Variants in PGBD5 observed in about 807,000 individuals in gnomAD.
PGBD5 encodes piggyBac transposable element derived 5.
PGBD5 carries 14 observed loss-of-function variants against 47.9 expected under a neutral mutation model. That is an observed-to-expected ratio of 0.29 (90% CI 0.19 to 0.46). The LOEUF is 0.46. PGBD5 is among the 20% of genes least tolerant of loss of function. PGBD5 has a pLI of 1.00. For synonymous variants in PGBD5, 316 were observed against 306.3 expected (o/e 1.03, Z -0.33); for missense variants, 635 against 716.0 (o/e 0.89, Z 1.29).
At chr1:230,407,410 A>G (rs1250510307) in intron 1 of PGBD5, among the ~76,000 whole-genome samples, 1 of 152,202 alleles carries the variant, frequency 6.6e-6, no homozygotes, top group Non-Finnish European at 1.5e-5. Flanking sequence ...CCTGGAAACC[A>G]TATTACGGAA....
intron 5 of PGBD5, among the ~76,000 whole-genome samples, chr1:230,332,364 C>T (rs1017908776): frequency 2.6e-4 from 40 of 152,282 alleles, no homozygotes; most frequent in African/African-American, 8.9e-4. Context: ...AAGTAAGTCC[C>T]TTTGTTAAGA....
intron 1 of PGBD5, among the ~76,000 whole-genome samples, chr1:230,410,483 G>A (rs374483586): frequency 2.6e-5 from 4 of 152,104 alleles, no homozygotes; most frequent in African/African-American, 9.6e-5. Flanking sequence ...AAATTTAAAG[G>A]ATACTTCGTT....
At chr1:230,406,931 G>A (rs960973418) in intron 1 of PGBD5, among the ~76,000 whole-genome samples, 16 of 152,174 alleles carry the variant, frequency 1.1e-4, no homozygotes, top group Admixed American at 3.3e-4. Flanking sequence ...CACCGCCCAC[G>A]TTCAAATGCA....
intron 1 of PGBD5, among the ~76,000 whole-genome samples, chr1:230,423,873 GAC>G (rs1657713901): frequency 6.6e-6 from 1 of 152,210 alleles, no homozygotes; most frequent in Admixed American, 6.5e-5. Flanking sequence ...AACGCTAAAT[GAC>G]ACACGATCCT....
intron 2 of PGBD5, among the ~76,000 whole-genome samples, chr1:230,351,780 T>C (rs1667563840): frequency 6.6e-6 from 1 of 152,210 alleles, no homozygotes; most frequent in Non-Finnish European, 1.5e-5. Context: ...ATGACCTTTC[T>C]GACAAGATTC....
chr1:230,334,048 G>A (rs541211307), intron 4 of PGBD5, among the ~76,000 whole-genome samples: 9 of 152,158 alleles, frequency 5.9e-5, no homozygotes, highest in Admixed American at 3.9e-4. Flanking sequence ...CAGTGCCATC[G>A]GTCACCTGAA....
rs1667862071 is a variant in PGBD5 at position 230,367,803 on chromosome 1, T to G, written c.332-10482A>C. 3 of 1,055,872 alleles carry G rather than the reference T, an allele frequency of 2.8e-6. No individual in the cohort carries two copies. The South Asian group carries it at 4.7e-5, about 16-fold the overall frequency. The allele number at this position is 1,055,872 out of a possible 1,614,324, so 65.4% of individuals were successfully genotyped here. A position where few individuals can be genotyped will look rare whatever the true frequency, so the allele number is the denominator to read the frequency against. ...ACACTCCGGCATACTCCGTGGAGGC[T>G]CTTCATCATATCAACCACTACAAAG... is the stretch of plus-strand genomic sequence containing the variant. On this transcript the variant is annotated intron_variant, in intron 1 of 6. Transcript: ENST00000391860.
intron 4 of PGBD5, 41 bp from the exon 5 acceptor site, chr1:230,333,082 C>T (rs781536334): frequency 2.3e-5 from 36 of 1,547,178 alleles, no homozygotes; most frequent in Non-Finnish European, 3.1e-5. Context: ...TCACCACCAT[C>T]GGAGATGCCG....
intron 2 of PGBD5, among the ~76,000 whole-genome samples, chr1:230,354,035 C>G (rs955937676): frequency 3.3e-5 from 5 of 152,222 alleles, no homozygotes; most frequent in Non-Finnish European, 7.3e-5. Context: ...CCCACCCCAA[C>G]TGGAAAGCCC....
At chr1:230,414,222 G>A (rs1329227647) in intron 1 of PGBD5, among the ~76,000 whole-genome samples, 1 of 152,134 alleles carries the variant, frequency 6.6e-6, no homozygotes, top group East Asian at 1.9e-4. Context: ...ACAATCTAGA[G>A]GCAGAGCTGG....
Position 230,426,028 on chromosome 1 carries a change from A to G in PGBD5, c.-100T>C. On this transcript the variant is annotated 5_prime_UTR_variant, in exon 1 of 7. Coordinates refer to ENST00000391860, the MANE Select transcript of PGBD5 (RefSeq NM_001258311.2). ...GCGGCCCGCCGCCCCCCACCAGCGC[A>G]GCCCGCAGCACAGCGCCCGCCGCCC... is the stretch of plus-strand genomic sequence containing the variant. The G allele has an allele frequency of 1.9e-6, 1 of 533,564 alleles. No individual in the cohort carries two copies. Among genetic ancestry groups the G allele is most frequent in the Non-Finnish European group, 2.4e-6 (1 of 422,258 alleles). The allele number at this position is 533,564 out of a possible 1,614,324, so 33.1% of individuals were successfully genotyped here. A position where few individuals can be genotyped will look rare whatever the true frequency, so the allele number is the denominator to read the frequency against.
At chr1:230,351,197 A>G (rs1667556643) in intron 2 of PGBD5, 105 bp from the exon 3 acceptor site, 1 of 1,292,136 alleles carries the variant, frequency 7.7e-7, no homozygotes. Context: ...CAGCTCTGTG[A>G]CCTTAACTAA....
chr1:230,349,995 TC>T (rs60396576), intron 3 of PGBD5, among the ~76,000 whole-genome samples: 6,641 of 152,298 alleles, frequency 0.044, 464 homozygotes, highest in African/African-American at 0.15. Flanking sequence ...AAGCGCACTT[TC>T]CCCACTGTGG....
At chr1:230,420,397 C>G (rs1288778992) in intron 1 of PGBD5, among the ~76,000 whole-genome samples, 1 of 152,182 alleles carries the variant, frequency 6.6e-6, no homozygotes, top group Non-Finnish European at 1.5e-5. Context: ...GTGGTTATCT[C>G]TGGGAAAAGG....
intron 1 of PGBD5, among the ~76,000 whole-genome samples, chr1:230,413,443 T>G (rs1384469332): frequency 6.6e-6 from 1 of 152,034 alleles, no homozygotes; most frequent in Non-Finnish European, 1.5e-5. Flanking sequence ...GGGGCTGCAG[T>G]GAGCCGTGAT....
intron 3 of PGBD5, among the ~76,000 whole-genome samples, chr1:230,345,725 C>A (rs1276147521): frequency 2.0e-5 from 3 of 152,074 alleles, no homozygotes; most frequent in African/African-American, 7.3e-5. Context: ...CTGCAGCTCC[C>A]AGTCAGCCAG....
intron 1 of PGBD5, among the ~76,000 whole-genome samples, chr1:230,411,493 G>GA (rs1414322727): frequency 6.6e-6 from 1 of 152,100 alleles, no homozygotes; most frequent in African/African-American, 2.4e-5. Flanking sequence ...TCAGTAAGTG[G>GA]AAAAAATCAG....
rs1015132961 is a variant in PGBD5 at position 230,314,751 on chromosome 1, G to A, written c.*8674C>T. ...GGGTATGCTTTGTGTCACCAAATGG[G>A]GGTGCAGCTGTGTGATATCTGTGCA... On this transcript the variant is annotated 3_prime_UTR_variant, in exon 7 of 7. Transcript: ENST00000391860. The A allele has an allele frequency of 1.5e-4, 23 of 152,134 alleles. No homozygotes were observed. The highest frequency in any genetic ancestry group is 6.5e-4 in the Admixed American group (10 of 15,284). The allele number at this position is 152,134 out of a possible 1,614,324, so 9.4% of individuals were successfully genotyped here. A position where few individuals can be genotyped will look rare whatever the true frequency, so the allele number is the denominator to read the frequency against.
chr1:230,368,026 A>G, intron 1 of PGBD5: 1 of 1,367,842 alleles, frequency 7.3e-7, no homozygotes, highest in Non-Finnish European at 9.8e-7. Flanking sequence ...ACCACACCCC[A>G]CATAGGCAGG....
Sources: allele counts gnomAD v4.1 joint callset (sites outside exome capture counted in the v4.1 genomes callset), GRCh38; gene constraint gnomAD v4.1.1; transcripts MANE v1.5; gene names NCBI Gene and HGNC (gene_info 2026-07-23, HGNC 2026-07-21).